The following ZC3H12B variants were observed in gnomAD, a reference collection of about 807,000 sequenced individuals.
The protein encoded by ZC3H12B is probable ribonuclease ZC3H12B.
Under a neutral mutation model 43.9 loss-of-function variants are expected in ZC3H12B, and 7 were observed. The ratio of observed to expected loss-of-function variants is 0.16; its 90% CI spans 0.09 to 0.30. The LOEUF (loss-of-function observed/expected upper bound fraction) is 0.30. ZC3H12B is among the 10% of genes least tolerant of loss of function. The pLI is 1.00. For synonymous variants in ZC3H12B, 222 were observed against 241.7 expected, an observed-to-expected ratio of 0.92 and a Z score of 0.76; for missense variants, 475 against 670.2, an observed-to-expected ratio of 0.71 and a Z score of 3.22.
the ZC3H12B span, among the ~76,000 whole-genome samples, chrX:65,072,103 T>G: frequency 4.5e-5 from 5 of 112,114 alleles, no homozygotes; most frequent in Non-Finnish European, 9.4e-5. Context: ...ATGGATTTGG[T>G]CTCTTTACGT....
At chrX:65,367,057 G>T (rs1027068420) in intron 1 of ZC3H12B, among the ~76,000 whole-genome samples, 1 of 112,073 alleles carries the variant, frequency 8.9e-6, no homozygotes, top group Non-Finnish European at 1.9e-5. Flanking sequence ...CCCTGTCCTC[G>T]TGAAGCTCAG....
chrX:65,282,178 A>G, the ZC3H12B span, among the ~76,000 whole-genome samples: 2 of 111,480 alleles, frequency 1.8e-5, no homozygotes, highest in Non-Finnish European at 3.8e-5. Context: ...AGCCAGGCAC[A>G]GTGGTTCACA....
the ZC3H12B span, among the ~76,000 whole-genome samples, chrX:65,056,487 G>C: frequency 9.0e-6 from 1 of 111,483 alleles, no homozygotes; most frequent in Non-Finnish European, 1.9e-5. Context: ...TTTTACATTT[G>C]CTGAGGAATG....
the ZC3H12B span, among the ~76,000 whole-genome samples, chrX:65,070,482 G>T: frequency 9.0e-6 from 1 of 110,798 alleles, no homozygotes; most frequent in Non-Finnish European, 1.9e-5. Context: ...CTAGCTTTGA[G>T]ACTGGTTTTC....
the ZC3H12B span, among the ~76,000 whole-genome samples, chrX:65,264,798 G>T: frequency 9.0e-6 from 1 of 111,634 alleles, no homozygotes; most frequent in Non-Finnish European, 1.9e-5. Context: ...CCATAGTACA[G>T]GTCTGCTGGT....
At chrX:65,224,888 G>A in the ZC3H12B span, among the ~76,000 whole-genome samples, 1 of 112,221 alleles carries the variant, frequency 8.9e-6, no homozygotes, top group Admixed American at 9.4e-5. Flanking sequence ...AAACTGGGTG[G>A]AGCCCACCAC....
chrX:65,373,971 G>GTATATATATATAGTTATATATATATAC (rs1556058082), intron 2 of ZC3H12B, among the ~76,000 whole-genome samples: 1 of 41,343 alleles, frequency 2.4e-5, no homozygotes, highest in Middle Eastern at 0.016. Context: ...TGTATATATA[G>GTATATATATATAGTTATATATATATAC]TATATATATA....
At chrX:65,074,291 A>G in the ZC3H12B span, among the ~76,000 whole-genome samples, 4 of 110,318 alleles carry the variant, frequency 3.6e-5, no homozygotes, top group African/African-American at 1.3e-4. Context: ...ATTACTTCAA[A>G]TCTATGATAT....
intron 3 of ZC3H12B, among the ~76,000 whole-genome samples, chrX:65,439,365 T>C (rs2067271866): frequency 8.9e-6 from 1 of 111,769 alleles, no homozygotes; most frequent in Admixed American, 9.5e-5. Flanking sequence ...CATCTGAACA[T>C]AGTGTGGCAG....
At chrX:65,064,156 G>A in the ZC3H12B span, among the ~76,000 whole-genome samples, 1 of 111,532 alleles carries the variant, frequency 9.0e-6, no homozygotes, top group African/African-American at 3.3e-5. Flanking sequence ...ATCTCCTTCA[G>A]TTCTGCTCTG....
chrX:65,302,282 C>CA, the ZC3H12B span, among the ~76,000 whole-genome samples: 1 of 109,476 alleles, frequency 9.1e-6, no homozygotes, highest in Non-Finnish European at 1.9e-5. Flanking sequence ...TTGAGTTGAC[C>CA]AAAAAAACTT....
At chrX:65,463,773 CTAAG>C (rs1190254249) in intron 3 of ZC3H12B, among the ~76,000 whole-genome samples, 4 of 111,221 alleles carry the variant, frequency 3.6e-5, no homozygotes, top group Non-Finnish European at 7.5e-5. Flanking sequence ...TATCACCACT[CTAAG>C]TCACGCAAGA....
At chrX:65,203,739 A>G in the ZC3H12B span, among the ~76,000 whole-genome samples, 1 of 111,449 alleles carries the variant, frequency 9.0e-6, no homozygotes, top group African/African-American at 3.3e-5. Context: ...CACCCTGGCT[A>G]GTGTTTTACT....
the ZC3H12B span, among the ~76,000 whole-genome samples, chrX:65,132,878 AG>A: frequency 1.8e-5 from 2 of 111,087 alleles, no homozygotes; most frequent in African/African-American, 3.3e-5. Flanking sequence ...GAGGCTTCCG[AG>A]GTGATTGGGC....
At chrX:65,192,492 A>G in the ZC3H12B span, among the ~76,000 whole-genome samples, 1 of 111,298 alleles carries the variant, frequency 9.0e-6, no homozygotes, top group Non-Finnish European at 1.9e-5. Context: ...GGTCAGTGGT[A>G]TATGGCTTTT....
chrX:65,436,333 C>A (rs2067221572), intron 3 of ZC3H12B, among the ~76,000 whole-genome samples: 1 of 112,294 alleles, frequency 8.9e-6, no homozygotes, highest in Admixed American at 9.4e-5. Flanking sequence ...CCATATCAAA[C>A]CACAAGGCCC....
chrX:65,301,520 CAAAA>C, the ZC3H12B span, among the ~76,000 whole-genome samples: 1 of 97,492 alleles, frequency 1.0e-5, no homozygotes, highest in Non-Finnish European at 2.1e-5. Context: ...ACTATTCAGC[CAAAA>C]AAAAAAAGGA....
chrX:65,230,148 A>G, the ZC3H12B span, among the ~76,000 whole-genome samples: 5 of 111,488 alleles, frequency 4.5e-5, no homozygotes, highest in Non-Finnish European at 9.4e-5. Context: ...ATGTCCAACA[A>G]TGATAGACTG....
At chrX:65,198,486 G>C in the ZC3H12B span, among the ~76,000 whole-genome samples, 3 of 111,676 alleles carry the variant, frequency 2.7e-5, no homozygotes, top group African/African-American at 9.8e-5. Flanking sequence ...TCTTCTTCTT[G>C]TTTGAAGAAT....
Sources: allele counts gnomAD v4.1 joint callset (sites outside exome capture counted in the v4.1 genomes callset), GRCh38; gene constraint gnomAD v4.1.1; transcripts MANE v1.5; gene names NCBI Gene and HGNC (gene_info 2026-07-23, HGNC 2026-07-21).